The following RASAL2 variants were observed in gnomAD, a reference collection of about 807,000 sequenced individuals.
RASAL2 encodes RAS protein activator like 2, also known as ras GTPase-activating protein nGAP.
RASAL2 carries 58 observed loss-of-function variants against 128.9 expected under a neutral mutation model. That is an observed-to-expected ratio of 0.45 (90% CI 0.36 to 0.56). RASAL2 has a LOEUF of 0.56. Ranked by LOEUF, RASAL2 falls within the 20% of genes least tolerant of loss-of-function variation. The pLI, the probability that RASAL2 is intolerant of heterozygous loss-of-function variation, is 0.00. For missense variants in RASAL2, 1,360 were observed against 1,601.6 expected (o/e 0.85, Z 2.57); for synonymous variants, 561 against 580.8 (o/e 0.97, Z 0.49).
At chr1:178,375,478 A>G (rs1671937062) in intron 3 of RASAL2, among the ~76,000 whole-genome samples, 1 of 152,168 alleles carries the variant, frequency 6.6e-6, no homozygotes. Context: ...TTTGAAAGCT[A>G]TTGCAGTAGT....
chr1:178,268,130 C>G (rs1308669488), intron 1 of RASAL2, among the ~76,000 whole-genome samples: 2 of 151,802 alleles, frequency 1.3e-5, no homozygotes, highest in African/African-American at 4.8e-5. Flanking sequence ...AATTTAAGAC[C>G]AGCATGGGCA....
intron 3 of RASAL2, among the ~76,000 whole-genome samples, chr1:178,318,158 C>T (rs1371569362): frequency 6.6e-6 from 1 of 151,972 alleles, no homozygotes. Flanking sequence ...GTCTGAGAGA[C>T]AGTTTGTTAT....
At chr1:178,447,254 C>T (rs1454120016) in intron 9 of RASAL2, among the ~76,000 whole-genome samples, 1 of 151,218 alleles carries the variant, frequency 6.6e-6, no homozygotes. Context: ...CCCAGGAGTT[C>T]GAGGCAGCAG....
chr1:178,112,944 G>A (rs1659387180), intron 1 of RASAL2, among the ~76,000 whole-genome samples: 1 of 151,832 alleles, frequency 6.6e-6, no homozygotes, highest in Non-Finnish European at 1.5e-5. Flanking sequence ...AGAAATCATG[G>A]TCTAGCCCAA....
chr1:178,153,991 ACG>A (rs1660996510), intron 1 of RASAL2, among the ~76,000 whole-genome samples: 1 of 151,876 alleles, frequency 6.6e-6, no homozygotes, highest in South Asian at 2.1e-4. Flanking sequence ...GCCCGCCACC[ACG>A]CCTGGCTAAT....
At chr1:178,219,607 G>A (rs918130667) in intron 1 of RASAL2, among the ~76,000 whole-genome samples, 1 of 149,376 alleles carries the variant, frequency 6.7e-6, no homozygotes, top group Non-Finnish European at 1.5e-5. Flanking sequence ...TCTAGCCTAA[G>A]TGACAGAGTG....
intron 1 of RASAL2, among the ~76,000 whole-genome samples, chr1:178,202,613 C>T (rs1171266791): frequency 1.3e-5 from 2 of 152,092 alleles, no homozygotes; most frequent in Non-Finnish European, 2.9e-5. Context: ...ATGGTTTGGC[C>T]GGATGGTCAG....
intron 3 of RASAL2, among the ~76,000 whole-genome samples, chr1:178,335,534 C>T (rs532695311): frequency 6.6e-6 from 1 of 152,148 alleles, no homozygotes; most frequent in South Asian, 2.1e-4. Flanking sequence ...CAATCTATTC[C>T]CTTCTCCCTT....
At chr1:178,392,209 G>A (rs1038316138) in intron 4 of RASAL2, among the ~76,000 whole-genome samples, 1 of 152,186 alleles carries the variant, frequency 6.6e-6, no homozygotes, top group Non-Finnish European at 1.5e-5. Context: ...AGTGAGCATG[G>A]TAACACAAGT....
chr1:178,109,535 G>T (rs1198907551), intron 1 of RASAL2, among the ~76,000 whole-genome samples: 1 of 152,072 alleles, frequency 6.6e-6, no homozygotes, highest in African/African-American at 2.4e-5. Context: ...ATATCCCAGG[G>T]TTTGTATTTC....
rs1674529405 is a variant in RASAL2 at position 178,413,219 on chromosome 1, C to G, written c.565-7292C>G. Among the ~76,000 whole-genome samples, 15 of 152,198 alleles carry G rather than the reference C, an allele frequency of 9.9e-5. 1 individual carries two copies. The highest frequency in any genetic ancestry group is 9.8e-4 in the Admixed American group (15 of 15,288). On this transcript the variant is annotated intron_variant, in intron 4 of 17. Coordinates refer to ENST00000367649, the MANE Select transcript of RASAL2 (RefSeq NM_170692.4). ...AGGTGATCCGCCTGCCTCAGCCTCCCAAAGTGCTGGGATTACAGGCATGAG... is the reference window on the plus strand; with the variant it reads ...AGGTGATCCGCCTGCCTCAGCCTCCGAAAGTGCTGGGATTACAGGCATGAG...
intron 1 of RASAL2, among the ~76,000 whole-genome samples, chr1:178,167,742 T>A (rs985905519): frequency 3.9e-5 from 6 of 152,148 alleles, no homozygotes; most frequent in South Asian, 2.1e-4. Context: ...CCTTTTTTTT[T>A]AAATTTCTAT....
intron 4 of RASAL2, among the ~76,000 whole-genome samples, chr1:178,403,123 C>T (rs1163311004): frequency 6.6e-6 from 1 of 152,034 alleles, no homozygotes; most frequent in Non-Finnish European, 1.5e-5. Context: ...ATTCAATTTA[C>T]AATAAAATTT....
chr1:178,213,280 G>A (rs1663316679), intron 1 of RASAL2, among the ~76,000 whole-genome samples: 1 of 152,146 alleles, frequency 6.6e-6, no homozygotes, highest in Non-Finnish European at 1.5e-5. Context: ...CTGGGTGCAA[G>A]CGATTCTCCT....
At chr1:178,372,193 C>A (rs1321553750) in intron 3 of RASAL2, 1 of 985,042 alleles carries the variant, frequency 1.0e-6, no homozygotes, top group African/African-American at 1.7e-5. Flanking sequence ...TTTCTCACTT[C>A]ATCATTCAGT....
At chr1:178,244,917 C>T (rs1470666877) in intron 1 of RASAL2, among the ~76,000 whole-genome samples, 2 of 152,148 alleles carry the variant, frequency 1.3e-5, no homozygotes, top group Non-Finnish European at 2.9e-5. Context: ...CGTTCTTTTT[C>T]ATGGCTGCTT....
At chr1:178,394,310 A>C (rs1034006471) in intron 4 of RASAL2, among the ~76,000 whole-genome samples, 2 of 152,162 alleles carry the variant, frequency 1.3e-5, no homozygotes, top group Admixed American at 1.3e-4. Context: ...CTAGACTTTC[A>C]TTTAAATGAA....
intron 9 of RASAL2, among the ~76,000 whole-genome samples, chr1:178,450,560 G>T (rs543423719): frequency 2.0e-5 from 3 of 152,190 alleles, no homozygotes; most frequent in South Asian, 4.2e-4. Context: ...TGATAGAAAT[G>T]CTCTTTCTGC....
chr1:178,346,883 G>A (rs944408383), intron 3 of RASAL2, among the ~76,000 whole-genome samples: 8 of 152,272 alleles, frequency 5.3e-5, no homozygotes, highest in Middle Eastern at 6.8e-3. Context: ...AATGTACTAG[G>A]CAGAGGAAAT....
Sources: gnomAD v4.1 joint callset for allele counts (sites outside exome capture counted in the v4.1 genomes callset) on GRCh38, gnomAD v4.1.1 for gene constraint, MANE v1.5 for transcripts, NCBI Gene and HGNC (gene_info 2026-07-23, HGNC 2026-07-21) for gene names.